Variants in SLC2A9 observed in about 807,000 individuals in gnomAD.
The protein encoded by SLC2A9 is solute carrier family 2, facilitated glucose transporter member 9.
SLC2A9 carries 39 observed loss-of-function variants against 50.6 expected under a neutral mutation model. The ratio of observed to expected loss-of-function variants is 0.77; its 90% CI spans 0.60 to 1.01. The LOEUF is 1.01. Ranked by LOEUF, SLC2A9 falls within the 50% of genes least tolerant of loss-of-function variation. The probability of loss-of-function intolerance (pLI) is 0.00; values close to 1 mark genes in which losing one functional copy is unlikely to be tolerated. For synonymous variants in SLC2A9, 324 were observed against 276.9 expected (o/e 1.17, Z -1.69); for missense variants, 686 against 677.6 (o/e 1.01, Z -0.14).
At chr4:9,822,690 C>T (rs1202628131), downstream of SLC2A9, among the ~76,000 whole-genome samples, 4 of 152,200 alleles carry the variant, frequency 2.6e-5, no homozygotes, top group African/African-American at 9.7e-5. Flanking sequence ...CCAGTCTCTT[C>T]TGGCTTATTT....
intron 5 of SLC2A9, among the ~76,000 whole-genome samples, chr4:9,966,726 A>G (rs1424753827): frequency 6.6e-6 from 1 of 152,236 alleles, no homozygotes; most frequent in Non-Finnish European, 1.5e-5. Context: ...ATTATAACTC[A>G]TAAATAGAAA....
At chr4:9,809,768 C>G (rs569974793) in intron 3 of SLC2A9, among the ~76,000 whole-genome samples, 4 of 152,068 alleles carry the variant, frequency 2.6e-5, no homozygotes, top group Non-Finnish European at 5.9e-5. Flanking sequence ...GAATAAATTA[C>G]GGATATTGCT....
At chr4:9,890,277 A>C (rs1048851481) in intron 9 of SLC2A9, among the ~76,000 whole-genome samples, 1 of 152,192 alleles carries the variant, frequency 6.6e-6, no homozygotes, top group Non-Finnish European at 1.5e-5. Flanking sequence ...TGGAAGGAGC[A>C]CCTTAAGGTT....
intron 3 of SLC2A9, among the ~76,000 whole-genome samples, chr4:9,819,101 A>G (rs1013963653): frequency 1.5e-4 from 21 of 141,484 alleles, no homozygotes; most frequent in African/African-American, 5.6e-4. Flanking sequence ...CCTGGGCAAC[A>G]GAGCGAGACT....
At chr4:9,978,333 C>A (rs1755147244) in intron 5 of SLC2A9, among the ~76,000 whole-genome samples, 1 of 152,158 alleles carries the variant, frequency 6.6e-6, no homozygotes, top group African/African-American at 2.4e-5. Flanking sequence ...AGGTTGAAGA[C>A]AGACCTTACG....
intron 2 of SLC2A9, among the ~76,000 whole-genome samples, chr4:9,999,657 G>A (rs1326156680): frequency 2.6e-5 from 4 of 152,082 alleles, no homozygotes; most frequent in Non-Finnish European, 5.9e-5. Context: ...CAGGTCATGT[G>A]GGCCTGATAG....
At chr4:10,035,909 A>G (rs907950170) in intron 1 of SLC2A9, 1 of 154,886 alleles carries the variant, frequency 6.5e-6, no homozygotes, top group African/African-American at 2.4e-5. Flanking sequence ...CCAGCGTCCC[A>G]TCCACTGCTC....
chr4:9,869,406 A>G (rs1001113861), intron 10 of SLC2A9, among the ~76,000 whole-genome samples: 5 of 152,134 alleles, frequency 3.3e-5, no homozygotes, highest in African/African-American at 4.8e-5. Context: ...TTGCACTTTC[A>G]CCAGCTGCTG....
intron 5 of SLC2A9, 103 bp downstream of exon 5, chr4:9,980,489 A>T: frequency 6.5e-7 from 1 of 1,531,870 alleles, no homozygotes. Flanking sequence ...CTTGAATACC[A>T]GAAATTGCAA....
intron 11 of SLC2A9, 152 bp from the exon 12 acceptor site, chr4:9,826,752 T>G (rs112950287): frequency 5.4e-5 from 40 of 746,764 alleles, no homozygotes; most frequent in African/African-American, 4.7e-4. Context: ...ATAAGGCAAG[T>G]GTACCCTACA....
At chr4:9,931,970 A>C (rs1481698317) in intron 6 of SLC2A9, among the ~76,000 whole-genome samples, 545 of 41,500 alleles carry the variant, frequency 0.013, 6 homozygotes, top group African/African-American at 0.024. Context: ...CTCTATATAT[A>C]TATATATATA....
At chr4:9,790,728 T>A (rs1219162402) in intron 3 of SLC2A9, among the ~76,000 whole-genome samples, 1 of 152,198 alleles carries the variant, frequency 6.6e-6, no homozygotes, top group Non-Finnish European at 1.5e-5. Context: ...TCCAAATTAG[T>A]TAAATCTGAA....
intron 10 of SLC2A9, among the ~76,000 whole-genome samples, chr4:9,858,303 T>A (rs1172504234): frequency 6.6e-6 from 1 of 152,194 alleles, no homozygotes; most frequent in Non-Finnish European, 1.5e-5. Context: ...ATGCTGAGGT[T>A]AATTGATGCT....
At chr4:9,789,843 T>A (rs188657256) in intron 3 of SLC2A9, among the ~76,000 whole-genome samples, 99 of 152,326 alleles carry the variant, frequency 6.5e-4, no homozygotes, top group East Asian at 4.6e-3. Flanking sequence ...ACACTCAGAA[T>A]ATTGTTCTGA....
chr4:9,928,884 T>C (rs1275492042), intron 6 of SLC2A9, among the ~76,000 whole-genome samples: 1 of 152,214 alleles, frequency 6.6e-6, no homozygotes, highest in Non-Finnish European at 1.5e-5. Context: ...TGTTAAAATA[T>C]AAAAAGGCAA....
chr4:9,975,200 G>A (rs990455449), intron 5 of SLC2A9, among the ~76,000 whole-genome samples: 1 of 151,954 alleles, frequency 6.6e-6, no homozygotes, highest in African/African-American at 2.4e-5. Flanking sequence ...CCTTGGGAAA[G>A]AAAATTGCAA....
chr4:9,776,974 C>T (rs1717652457), downstream of SLC2A9, among the ~76,000 whole-genome samples: 1 of 152,180 alleles, frequency 6.6e-6, no homozygotes, highest in South Asian at 2.1e-4. Flanking sequence ...GCCCCAGGGC[C>T]TTTACATGGG....
Position 9,799,700 on chromosome 4 carries a change from C to CCCA in SLC2A9, n.421-462_421-460dup, listed in dbSNP as rs1553813204. 2.3e-3 allele frequency among the ~76,000 whole-genome samples: 217 copies of CCCA among 93,584 alleles called. 9 individuals are homozygous for CCCA. In the Middle Eastern group the frequency reaches 0.094, roughly 41 times the overall value. The allele number at this position is 93,584 out of a possible 152,430, so 61.4% of individuals were successfully genotyped here. A position where few individuals can be genotyped will look rare whatever the true frequency, so the allele number is the denominator to read the frequency against. ...AGCTCCATTCCAATTGTACCCCCCCCCCACCCAACTTCTACACCAGTTTTG... is the reference window on the plus strand; with the variant it reads ...AGCTCCATTCCAATTGTACCCCCCCCCCACCACCCAACTTCTACACCAGTTTTG... On this transcript the variant is annotated intron_variant and non_coding_transcript_variant, in intron 3 of 3. Coordinates refer to the SLC2A9 transcript ENST00000503280.
intron 10 of SLC2A9, among the ~76,000 whole-genome samples, chr4:9,850,682 C>T (rs1174851874): frequency 6.6e-6 from 1 of 152,152 alleles, no homozygotes; most frequent in African/African-American, 2.4e-5. Flanking sequence ...CGCAGCCTCC[C>T]TTCACTGGTG....
Sources: gnomAD v4.1 joint callset for allele counts (sites outside exome capture counted in the v4.1 genomes callset) on GRCh38, gnomAD v4.1.1 for gene constraint, MANE v1.5 for transcripts, NCBI Gene and HGNC (gene_info 2026-07-23, HGNC 2026-07-21) for gene names.